The following CSMD2 variants were observed in gnomAD, a reference collection of about 807,000 sequenced individuals.
The protein encoded by CSMD2 is CUB and Sushi multiple domains 2.
A neutral mutation model predicts 398.5 loss-of-function variants in CSMD2; 130 were observed. The observed-to-expected ratio is 0.33, with a 90% CI of 0.28 to 0.38. The LOEUF is 0.38. CSMD2 is among the 10% of genes least tolerant of loss of function. CSMD2 has a pLI of 1.00. For missense variants in CSMD2, 3,829 were observed against 4,764.9 expected (o/e 0.80, Z 5.78); for synonymous variants, 1,828 against 1,908.5 (o/e 0.96, Z 1.10).
In CSMD2 at chr1:33,627,314, A is replaced by G. The variant is rs150657537; in HGVS notation, c.5201-733T>C. Among the ~76,000 whole-genome samples, 95 of 152,264 alleles carry G rather than the reference A, an allele frequency of 6.2e-4. No homozygotes were observed. The Middle Eastern group carries it at 0.01, about 16-fold the overall frequency. On this transcript the variant is annotated intron_variant, in intron 32 of 70. Transcript: ENST00000373381. ...CAAAGGTATATCTTCTGCTTGGTGC[A>G]GTACAGATGGGCCAGGGGAGAGACA...
intron 21 of CSMD2, among the ~76,000 whole-genome samples, chr1:33,712,111 C>A (rs1269876643): frequency 6.6e-6 from 1 of 152,156 alleles, no homozygotes; most frequent in Non-Finnish European, 1.5e-5. Flanking sequence ...CTTCTGTCGC[C>A]CCCATCAGAA....
chr1:33,994,502 T>C (rs760700382), intron 3 of CSMD2, among the ~76,000 whole-genome samples: 3 of 152,110 alleles, frequency 2.0e-5, no homozygotes, highest in Non-Finnish European at 2.9e-5. Flanking sequence ...TTAATGTCTG[T>C]CTCCTACTCT....
intron 2 of CSMD2, among the ~76,000 whole-genome samples, chr1:34,052,495 CTG>C (rs143571706): frequency 0.023 from 3,042 of 133,942 alleles, 37 homozygotes; most frequent in Middle Eastern, 0.074. Context: ...TATGGGACAA[CTG>C]TGTGTGTGTG....
intron 20 of CSMD2, among the ~76,000 whole-genome samples, chr1:33,715,594 G>A (rs1478477623): frequency 6.6e-6 from 1 of 152,178 alleles, no homozygotes; most frequent in Non-Finnish European, 1.5e-5. Flanking sequence ...GGCCTGGCAG[G>A]GGACTAAGCT....
intron 5 of CSMD2, among the ~76,000 whole-genome samples, chr1:33,907,624 A>G (rs1643183434): frequency 1.3e-5 from 2 of 152,122 alleles, no homozygotes; most frequent in African/African-American, 4.8e-5. Flanking sequence ...CATTTTGTTC[A>G]AAGAAACTCT....
At chr1:33,591,540 T>A (rs906260520) in intron 44 of CSMD2, among the ~76,000 whole-genome samples, 10 of 152,258 alleles carry the variant, frequency 6.6e-5, no homozygotes, top group Admixed American at 6.5e-4. Flanking sequence ...CCTGAGTTTT[T>A]AAAATCACCT....
chr1:33,962,076 T>A (rs1033701045), intron 3 of CSMD2, among the ~76,000 whole-genome samples: 23 of 152,152 alleles, frequency 1.5e-4, no homozygotes, highest in Admixed American at 1.2e-3. Context: ...CTGTTTGGGA[T>A]GGATGGAATG....
intron 44 of CSMD2, among the ~76,000 whole-genome samples, chr1:33,595,646 A>G (rs1029460715): frequency 3.3e-5 from 5 of 152,172 alleles, no homozygotes; most frequent in Admixed American, 3.3e-4. Flanking sequence ...ATTATCCCCA[A>G]TATGGTCAAT....
At position 34,164,939 on chromosome 1, in the gene CSMD2, A is replaced by G; in HGVS notation, c.159T>C (p.Cys53=). The G allele has an allele frequency of 8.2e-7, 1 of 1,220,996 alleles. No individual in the cohort carries two copies. The highest frequency in any genetic ancestry group is 1.6e-5 in the African/African-American group (1 of 63,616). The allele number at this position is 1,220,996 out of a possible 1,614,324, so 75.6% of individuals were successfully genotyped here. The change falls in exon 1 of 71, where the codon TGT becomes TGC. Residue 53 remains cysteine, a synonymous_variant. Transcript: ENST00000373381. This position sits in a 1 kb window ranked among gnomAD's most constrained non-coding sequence, Gnocchi z 6.2. ...CGGCGGCCGAGACGCTGAGCAACCCACAGCCCAGCAACAGCAGCAGAGGCG... is the reference window on the plus strand; with the variant it reads ...CGGCGGCCGAGACGCTGAGCAACCCGCAGCCCAGCAACAGCAGCAGAGGCG... ...TPPPLLLLLG[C]GLLSVSAAAG...
chr1:33,778,194 T>C (rs530623332), intron 12 of CSMD2, among the ~76,000 whole-genome samples: 49 of 152,248 alleles, frequency 3.2e-4, no homozygotes, highest in Non-Finnish European at 1.5e-5. Context: ...TTGCACCCCA[T>C]TCTTTTTATT....
chr1:34,086,627 T>C (rs1657919265), intron 2 of CSMD2, among the ~76,000 whole-genome samples: 1 of 152,164 alleles, frequency 6.6e-6, no homozygotes, highest in Non-Finnish European at 1.5e-5. Context: ...CACTCTGTGT[T>C]TGGAATACAG....
chr1:33,554,723 C>A (rs763948926), intron 55 of CSMD2, among the ~76,000 whole-genome samples: 2 of 152,100 alleles, frequency 1.3e-5, no homozygotes, highest in African/African-American at 4.8e-5. Context: ...TGGATGACAG[C>A]GCATCTGTTT....
chr1:33,612,812 G>A (rs1489021151), intron 40 of CSMD2, among the ~76,000 whole-genome samples: 1 of 151,018 alleles, frequency 6.6e-6, no homozygotes, highest in African/African-American at 2.5e-5. Context: ...CTCCCAAGTA[G>A]CTGGGACTAC....
chr1:33,758,573 G>A (rs894429574), intron 13 of CSMD2, among the ~76,000 whole-genome samples: 1 of 152,124 alleles, frequency 6.6e-6, no homozygotes. Context: ...TCTGCCCTCA[G>A]GGAGTTTATA....
intron 22 of CSMD2, among the ~76,000 whole-genome samples, chr1:33,705,386 T>C (rs1314380185): frequency 2.0e-5 from 3 of 152,218 alleles, no homozygotes; most frequent in Non-Finnish European, 4.4e-5. Context: ...ATGCTTTCTA[T>C]ACTTTGACCA....
intron 2 of CSMD2, among the ~76,000 whole-genome samples, chr1:34,051,207 C>A (rs895860873): frequency 3.9e-5 from 6 of 152,206 alleles, no homozygotes; most frequent in Non-Finnish European, 7.3e-5. Flanking sequence ...CAGAACAACT[C>A]AATCCAGGCA....
chr1:33,587,920 G>A (rs995085329), intron 44 of CSMD2, among the ~76,000 whole-genome samples: 4 of 152,228 alleles, frequency 2.6e-5, no homozygotes, highest in Non-Finnish European at 4.4e-5. Flanking sequence ...TGCTGTTATC[G>A]TTACTATTTC....
intron 44 of CSMD2, among the ~76,000 whole-genome samples, chr1:33,590,267 T>C (rs1420479681): frequency 6.7e-6 from 1 of 150,266 alleles, no homozygotes; most frequent in Non-Finnish European, 1.5e-5. Context: ...GACTACAGAC[T>C]CATGCCACCA....
chr1:33,838,340 T>G (rs1368067299), intron 6 of CSMD2, among the ~76,000 whole-genome samples: 1 of 152,250 alleles, frequency 6.6e-6, no homozygotes, highest in Non-Finnish European at 1.5e-5. Context: ...TGCTAGAGTT[T>G]TCTTTGCAGA....
Sources: allele counts gnomAD v4.1 joint callset (sites outside exome capture counted in the v4.1 genomes callset), GRCh38; gene constraint gnomAD v4.1.1; non-coding constraint Gnocchi (gnomAD v3.1); transcripts MANE v1.5; gene names NCBI Gene and HGNC (gene_info 2026-07-23, HGNC 2026-07-21).